Variants in BRD1 observed in about 807,000 individuals in gnomAD.
BRD1 encodes the protein bromodomain-containing protein 1.
Under a neutral mutation model 107.7 loss-of-function variants are expected in BRD1, and 24 were observed. That is an observed-to-expected ratio of 0.22 (90% CI 0.16 to 0.31). BRD1 has a LOEUF of 0.31. Ranked by LOEUF, BRD1 falls within the 10% of genes least tolerant of loss-of-function variation. The probability of loss-of-function intolerance (pLI) is 1.00; values close to 1 mark genes in which losing one functional copy is unlikely to be tolerated. For synonymous variants in BRD1, 744 were observed against 686.1 expected, an observed-to-expected ratio of 1.08 and a Z score of -1.32; for missense variants, 1,279 against 1,638.6, an observed-to-expected ratio of 0.78 and a Z score of 3.79.
At chr22:49,827,225 C>A (rs541560807) in intron 1 of BRD1, among the ~76,000 whole-genome samples, 4 of 151,088 alleles carry the variant, frequency 2.6e-5, no homozygotes, top group Admixed American at 2.6e-4. Context: ...CTCGACTCCC[C>A]GGCCTGACCT....
chr22:49,782,617 C>T (rs1282282514), intron 8 of BRD1, among the ~76,000 whole-genome samples: 1 of 146,042 alleles, frequency 6.8e-6, no homozygotes, highest in East Asian at 2.1e-4. Context: ...AGAACCAAGG[C>T]CCAGGCCAGA....
chr22:49,799,420 G>A (rs1476771120), intron 3 of BRD1, among the ~76,000 whole-genome samples: 1 of 152,136 alleles, frequency 6.6e-6, no homozygotes, highest in South Asian at 2.1e-4. Flanking sequence ...CAAGCTGGCG[G>A]CGGGGGGGGC....
At chr22:49,787,364 C>G (rs1486789742) in intron 8 of BRD1, 26 bp downstream of exon 8, 1 of 1,550,556 alleles carries the variant, frequency 6.4e-7, no homozygotes, top group Non-Finnish European at 8.7e-7. Flanking sequence ...GCAAGGGCGC[C>G]TCTCAGGGCC....
chr22:49,823,757 C>T lies in BRD1; in HGVS notation c.561G>A (p.Glu187=). The part of the protein sequence containing the change: ...CVPAVSQSMF[E]FLMDRFEKES... ...CCTTCTCGAAGCGGTCCATCAGGAA[C>T]TCAAACATGCTCTGCGACACGGCGG... is the stretch of plus-strand genomic sequence containing the variant. Residue 187 remains glutamate (E), a synonymous_variant, in exon 2 of 13, where the codon GAG becomes GAA. Transcript: ENST00000404760. The T allele has an allele frequency of 6.2e-7, 1 of 1,614,182 alleles. No individual in the cohort carries two copies. Among genetic ancestry groups the T allele is most frequent in the Admixed American group, 1.7e-5 (1 of 60,036 alleles).
chr22:49,825,332 G>A (rs75794753), intron 1 of BRD1, among the ~76,000 whole-genome samples: 2,342 of 152,238 alleles, frequency 0.015, 73 homozygotes, highest in African/African-American at 0.053. Context: ...CAGGAGGGTC[G>A]CCAGCGCTGG....
At position 49,783,468 on chromosome 22, in the gene BRD1, C is replaced by A. The variant is rs1365376753; in HGVS notation, c.2857+3922G>T. ...CAGTGCCGAGCCAAGTTCCTCCATA[C>A]CCCATGGCACAGACACAGCACAACG... On this transcript the variant is annotated intron_variant, in intron 8 of 12. Transcript: ENST00000404760. The surrounding 1 kb of genome is among the most constrained non-coding windows in gnomAD (Gnocchi z 4.2). Among the ~76,000 whole-genome samples, 1 of 152,246 alleles carries A rather than the reference C, an allele frequency of 6.6e-6. No individual in the cohort carries two copies. Among genetic ancestry groups the A allele is most frequent in the Non-Finnish European group, 1.5e-5 (1 of 68,040 alleles).
chr22:49,808,509 C>A (rs927107485), intron 2 of BRD1, among the ~76,000 whole-genome samples: 1 of 152,038 alleles, frequency 6.6e-6, no homozygotes, highest in African/African-American at 2.4e-5. Flanking sequence ...GGTGAACGCC[C>A]GCAGCCAGGG....
At position 49,803,349 on chromosome 22, in the gene BRD1, G is replaced by A. The variant is rs1406518036; in HGVS notation, c.1524+855C>T. ...GTTTCGCTTCGTGCCCAGGATGGCA[G>A]TGAAAAGCACCATGAGGAAATTCCA... On this transcript the variant is annotated intron_variant, in intron 3 of 12. Coordinates refer to ENST00000404760, the MANE Select transcript of BRD1 (RefSeq NM_001304808.3). The surrounding 1 kb of genome is among the most constrained non-coding windows in gnomAD (Gnocchi z 4.4). Among the ~76,000 whole-genome samples, 1 of 152,216 alleles carries A rather than the reference G, an allele frequency of 6.6e-6. No homozygotes were observed. Among genetic ancestry groups the A allele is most frequent in the African/African-American group, 2.4e-5 (1 of 41,454 alleles).
At chr22:49,782,464 G>A (rs1213102173) in intron 8 of BRD1, among the ~76,000 whole-genome samples, 2 of 139,306 alleles carry the variant, frequency 1.4e-5, no homozygotes, top group Admixed American at 7.3e-5. Context: ...TGACAATGCC[G>A]CTGGGGACAG....
At chr22:49,793,750 T>G (rs2059477098) in intron 7 of BRD1, among the ~76,000 whole-genome samples, 1 of 152,244 alleles carries the variant, frequency 6.6e-6, no homozygotes, top group Non-Finnish European at 1.5e-5. Flanking sequence ...AAATAGTTTC[T>G]CAGGCCCAAG....
intron 11 of BRD1, 120 bp from the exon 12 acceptor site, chr22:49,775,865 C>CGGCCCCG: frequency 7.8e-7 from 1 of 1,285,870 alleles, no homozygotes; most frequent in South Asian, 1.5e-5. Flanking sequence ...CAGACCACCC[C>CGGCCCCG]CACGCCCCCC....
At chr22:49,776,819 A>G (rs1187180226) in intron 10 of BRD1, among the ~76,000 whole-genome samples, 1 of 152,246 alleles carries the variant, frequency 6.6e-6, no homozygotes, top group Non-Finnish European at 1.5e-5. Flanking sequence ...AAACGAAGGC[A>G]GGATGGAGGA....
At chr22:49,819,438 A>C (rs1417262008) in intron 2 of BRD1, among the ~76,000 whole-genome samples, 1 of 152,054 alleles carries the variant, frequency 6.6e-6, no homozygotes, top group Non-Finnish European at 1.5e-5. Context: ...CTGTGGTCCC[A>C]GCTACTCAAG....
At position 49,803,085 on chromosome 22, in the gene BRD1, C is replaced by A. The variant is rs904170134; in HGVS notation, c.1524+1119G>T. On this transcript the variant is annotated intron_variant, in intron 3 of 12. Coordinates refer to ENST00000404760, the MANE Select transcript of BRD1 (RefSeq NM_001304808.3). The surrounding 1 kb of genome is among the most constrained non-coding windows in gnomAD (Gnocchi z 4.4). ...CAAGGCCGTCAGAAAACTTTGGACC[C>A]CACCACACCAAATCAGACCCACAAA... Among the ~76,000 whole-genome samples, 8 of 152,232 alleles carry A rather than the reference C, an allele frequency of 5.3e-5. No homozygotes were observed. Among genetic ancestry groups the A allele is most frequent in the African/African-American group, 1.9e-4 (8 of 41,458 alleles).
chr22:49,775,825 GCCTCCCCA>G, intron 11 of BRD1, 80 bp from the exon 12 acceptor site: 1 of 937,092 alleles, frequency 1.1e-6, no homozygotes, highest in Non-Finnish European at 1.3e-6. Context: ...ACCCCCCCCC[GCCTCCCCA>G]CCCCAGCTGT....
intron 2 of BRD1, among the ~76,000 whole-genome samples, chr22:49,812,941 C>T (rs979955794): frequency 2.0e-5 from 3 of 152,202 alleles, no homozygotes; most frequent in Admixed American, 6.5e-5. Context: ...CCCTCCCAAC[C>T]GCAGACTGAG....
chr22:49,808,445 C>T (rs760745213), intron 2 of BRD1, among the ~76,000 whole-genome samples: 1 of 152,144 alleles, frequency 6.6e-6, no homozygotes, highest in Non-Finnish European at 1.5e-5. Flanking sequence ...TGCCTGATTG[C>T]GCTTATGTGA....
Position 49,787,622 on chromosome 22 carries a change from G to A in BRD1, c.2625C>T (p.Ser875=), listed in dbSNP as rs542970591. 10 of 1,551,266 alleles carry A rather than the reference G, an allele frequency of 6.4e-6. No individual in the cohort carries two copies. The highest frequency in any genetic ancestry group is 3.9e-5 in the Admixed American group (2 of 51,072). The change falls in exon 8 of 13, where the codon AGC becomes AGT. Residue 875 remains serine (S), a synonymous_variant. Coordinates refer to ENST00000404760, the MANE Select transcript of BRD1 (RefSeq NM_001304808.3). Reference sequence around the variant, plus strand: ...GAACAGAAGTGCGTCTGTTTACATCGCTTGCTGGCTCCGCCACCGCGGAGG... The same window carrying A: ...GAACAGAAGTGCGTCTGTTTACATCACTTGCTGGCTCCGCCACCGCGGAGG... ...AAASAVAEPA[S]DVNRRTSVLF...
Position 49,798,060 on chromosome 22 carries a change from G to A in BRD1, c.1843C>T (p.Arg615Trp). The A allele has an allele frequency of 3.7e-6, 6 of 1,613,940 alleles. No homozygotes were observed. Among genetic ancestry groups the A allele is most frequent in the African/African-American group, 1.3e-5 (1 of 75,020 alleles). ...HPMDFATMRKRLEAQGYKNLH... is the reference protein window; with the variant it reads ...HPMDFATMRKWLEAQGYKNLH... ...TTTTTATACCCTTGAGCTTCTAACC[G>A]TTTCCTCATTGTGGCAAAGTCCATG... The change falls in exon 6 of 13, where the codon CGG (arginine) becomes TGG (tryptophan). Residue 615 changes from arginine to tryptophan, a missense_variant. Arg to Trp is a moderately radical substitution (Grantham distance 101, BLOSUM62 -3). This residue lies in a region of BRD1 where 406 missense variants were observed against 519.4 expected (regional missense o/e 0.78). Transcript: ENST00000404760.
Sources: gnomAD v4.1 joint callset for allele counts (sites outside exome capture counted in the v4.1 genomes callset) on GRCh38, gnomAD v4.1.1 for gene constraint, gnomAD v4.1.1 regional missense constraint, Gnocchi (gnomAD v3.1) non-coding constraint, MANE v1.5 for transcripts, NCBI Gene and HGNC (gene_info 2026-07-23, HGNC 2026-07-21) for gene names.